The following AMPH variants were observed in gnomAD, a reference collection of about 807,000 sequenced individuals.
AMPH encodes the protein amphiphysin.
In AMPH, 49 loss-of-function variants were observed where a neutral mutation model predicts 99.1. That is an observed-to-expected ratio of 0.49 (90% CI 0.39 to 0.63). AMPH has a LOEUF of 0.63. Among genes scored for constraint, AMPH ranks in the 20% least tolerant of loss-of-function variants. The probability of loss-of-function intolerance (pLI) is 0.00; values close to 1 mark genes in which losing one functional copy is unlikely to be tolerated. For missense variants in AMPH, 759 were observed against 863.4 expected, an observed-to-expected ratio of 0.88 and a Z score of 1.52; for synonymous variants, 314 against 317.3, an observed-to-expected ratio of 0.99 and a Z score of 0.11.
intron 20 of AMPH, among the ~76,000 whole-genome samples, chr7:38,388,194 G>C (rs370470698): frequency 5.9e-5 from 9 of 151,996 alleles, no homozygotes; most frequent in African/African-American, 2.2e-4. Context: ...GGTAAACATG[G>C]TGGTAAACAT....
At chr7:38,397,765 G>A (rs1292968878) in intron 17 of AMPH, among the ~76,000 whole-genome samples, 2 of 151,976 alleles carry the variant, frequency 1.3e-5, no homozygotes, top group Non-Finnish European at 2.9e-5. Flanking sequence ...ATCTGACAAG[G>A]GATTAATAAC....
intron 5 of AMPH, among the ~76,000 whole-genome samples, chr7:38,478,240 T>G (rs1263456118): frequency 6.6e-6 from 1 of 152,034 alleles, no homozygotes; most frequent in Non-Finnish European, 1.5e-5. Flanking sequence ...AACTAAAATC[T>G]AATAAGCAGC....
At chr7:38,505,161 C>A (rs1789275822) in intron 2 of AMPH, among the ~76,000 whole-genome samples, 1 of 152,116 alleles carries the variant, frequency 6.6e-6, no homozygotes, top group African/African-American at 2.4e-5. Flanking sequence ...ACAAAATGTC[C>A]ATCACATTTA....
chr7:38,549,141 C>A (rs1584233577), intron 1 of AMPH, among the ~76,000 whole-genome samples: 1 of 152,296 alleles, frequency 6.6e-6, no homozygotes, highest in South Asian at 2.1e-4. Flanking sequence ...GACTCCTTTA[C>A]CCTCACTATC....
At position 38,579,991 on chromosome 7, in the gene AMPH, T is replaced by C. The variant is rs1341814350; in HGVS notation, c.70-44980A>G. On this transcript the variant is annotated intron_variant, in intron 1 of 20. Coordinates refer to ENST00000356264, the MANE Select transcript of AMPH (RefSeq NM_001635.4). The stretch of plus-strand genomic sequence containing the variant: ...TAAAAAGCACTGTCACATAAACACA[T>C]TGATGAATCTCCAAAATGTTAATCT... Among the ~76,000 whole-genome samples, 4 of 152,170 alleles carry C rather than the reference T, an allele frequency of 2.6e-5. No individual in the cohort carries two copies. In the South Asian group the frequency reaches 8.3e-4, roughly 32 times the overall value.
chr7:38,544,987 G>T (rs1234035744), intron 1 of AMPH, among the ~76,000 whole-genome samples: 1 of 152,198 alleles, frequency 6.6e-6, no homozygotes, highest in East Asian at 1.9e-4. Context: ...ATCTTTTAGA[G>T]CTAAAGGGAT....
intron 1 of AMPH, among the ~76,000 whole-genome samples, chr7:38,570,978 TATA>T (rs1271045888): frequency 0.023 from 1,060 of 46,470 alleles, 265 homozygotes; most frequent in East Asian, 0.065. Flanking sequence ...AGAATATATA[TATA>T]TTCAATATAT....
chr7:38,392,377 CTTTTTTTTTT>C (rs574057389), intron 18 of AMPH, among the ~76,000 whole-genome samples: 1 of 42,046 alleles, frequency 2.4e-5, no homozygotes, highest in Admixed American at 3.3e-4. Context: ...CGGCCTGGTT[CTTTTTTTTTT>C]TTTTTTTTTT....
intron 3 of AMPH, among the ~76,000 whole-genome samples, chr7:38,499,144 C>T (rs4720287): frequency 0.43 from 65,181 of 151,994 alleles, 14,722 homozygotes; most frequent in African/African-American, 0.58. Flanking sequence ...ACTCAATGCA[C>T]GTATCTATTA....
At position 38,629,511 on chromosome 7, in the gene AMPH, T is replaced by C. The variant is rs191769122; in HGVS notation, c.69+1772A>G. 1.2e-4 allele frequency among the ~76,000 whole-genome samples: 18 copies of C among 150,096 alleles called. 1 individual carries two copies. The highest frequency in any genetic ancestry group is 3.3e-4 in the Admixed American group (5 of 15,142). ...ATCGTGAAAAAGTGAGTTTTGACAA[T>C]TCACAGGACTTGAATGCTCCGTAAG... On this transcript the variant is annotated intron_variant, in intron 1 of 20. Transcript: ENST00000356264.
At chr7:38,562,043 A>T (rs2129049170) in intron 1 of AMPH, among the ~76,000 whole-genome samples, 1 of 151,590 alleles carries the variant, frequency 6.6e-6, no homozygotes, top group Middle Eastern at 3.4e-3. Flanking sequence ...ACTTCAGATG[A>T]GGGCCAAGTA....
intron 11 of AMPH, among the ~76,000 whole-genome samples, chr7:38,446,194 A>T (rs909661409): frequency 6.6e-6 from 1 of 152,246 alleles, no homozygotes; most frequent in African/African-American, 2.4e-5. Context: ...GAAGAACTAG[A>T]ACTCTTATGC....
chr7:38,593,260 T>C (rs1792926052), intron 1 of AMPH, among the ~76,000 whole-genome samples: 1 of 152,214 alleles, frequency 6.6e-6, no homozygotes, highest in Non-Finnish European at 1.5e-5. Flanking sequence ...TTCACTCTAG[T>C]GAAGCAGAAA....
At chr7:38,629,942 G>A (rs1794397761) in intron 1 of AMPH, among the ~76,000 whole-genome samples, 1 of 152,154 alleles carries the variant, frequency 6.6e-6, no homozygotes, top group Non-Finnish European at 1.5e-5. Context: ...TTACTGCATG[G>A]AGAGTGTGCA....
chr7:38,493,167 A>G (rs1788794843), intron 4 of AMPH, among the ~76,000 whole-genome samples: 1 of 152,184 alleles, frequency 6.6e-6, no homozygotes, highest in East Asian at 1.9e-4. Context: ...TCCACTGTTA[A>G]CGCAGGTTTT....
chr7:38,575,247 CAGTTT>C (rs1479675261), intron 1 of AMPH, among the ~76,000 whole-genome samples: 2 of 151,996 alleles, frequency 1.3e-5, no homozygotes, highest in African/African-American at 4.8e-5. Context: ...TTATCTATAA[CAGTTT>C]AATTTTTTTA....
chr7:38,628,051 T>C (rs1166866555), intron 1 of AMPH, among the ~76,000 whole-genome samples: 1 of 151,832 alleles, frequency 6.6e-6, no homozygotes, highest in African/African-American at 2.4e-5. Context: ...TAAAAGTAAA[T>C]AGAAAAGGAA....
intron 1 of AMPH, among the ~76,000 whole-genome samples, chr7:38,585,478 T>C (rs1206789141): frequency 1.3e-5 from 2 of 152,180 alleles, no homozygotes; most frequent in Non-Finnish European, 2.9e-5. Context: ...CATTTGATGG[T>C]GACAGCCGCG....
At chr7:38,498,337 A>T (rs1482784330) in intron 3 of AMPH, among the ~76,000 whole-genome samples, 1 of 152,240 alleles carries the variant, frequency 6.6e-6, no homozygotes, top group Non-Finnish European at 1.5e-5. Context: ...TGGCACAAGC[A>T]AATGTCCAAC....
Sources: allele counts gnomAD v4.1 joint callset (sites outside exome capture counted in the v4.1 genomes callset), GRCh38; gene constraint gnomAD v4.1.1; transcripts MANE v1.5; gene names NCBI Gene and HGNC (gene_info 2026-07-23, HGNC 2026-07-21).